The following C2CD3 variants were observed in gnomAD, a reference collection of about 807,000 sequenced individuals.
C2CD3 encodes the protein C2 domain containing 3 centriole elongation regulator.
A neutral mutation model predicts 234.0 loss-of-function variants in C2CD3; 148 were observed. The observed-to-expected ratio is 0.63, with a 90% CI of 0.55 to 0.72. C2CD3 has a LOEUF of 0.72. Ranked by LOEUF, C2CD3 falls within the 30% of genes least tolerant of loss-of-function variation. C2CD3 has a pLI of 0.00. For synonymous variants in C2CD3, 1,000 were observed against 1,035.4 expected, an observed-to-expected ratio of 0.97 and a Z score of 0.66; for missense variants, 2,577 against 2,811.5, an observed-to-expected ratio of 0.92 and a Z score of 1.89.
At chr11:74,145,112 G>C (rs986124204) in intron 3 of C2CD3, among the ~76,000 whole-genome samples, 12 of 152,184 alleles carry the variant, frequency 7.9e-5, no homozygotes, top group African/African-American at 2.7e-4. Flanking sequence ...TCAAATCGTA[G>C]TTCTGTTTTT....
chr11:74,144,170 G>A (rs1342467838), intron 3 of C2CD3, among the ~76,000 whole-genome samples: 4 of 152,196 alleles, frequency 2.6e-5, no homozygotes, highest in Admixed American at 6.5e-5. Context: ...TTTCTTTGTG[G>A]AAGAGAATGT....
At chr11:74,069,769 T>G (rs2135455127) in intron 24 of C2CD3, among the ~76,000 whole-genome samples, 1 of 152,232 alleles carries the variant, frequency 6.6e-6, no homozygotes, top group Middle Eastern at 3.4e-3. Flanking sequence ...TGGCCTGGAG[T>G]GAATGGATGG....
chr11:74,098,643 T>C (rs1319341528), intron 15 of C2CD3, among the ~76,000 whole-genome samples: 1 of 152,228 alleles, frequency 6.6e-6, no homozygotes, highest in Non-Finnish European at 1.5e-5. Flanking sequence ...ATTGCCAATA[T>C]CTGCCATCTA....
intron 22 of C2CD3, among the ~76,000 whole-genome samples, chr11:74,083,632 G>A (rs905464028): frequency 1.3e-5 from 2 of 152,124 alleles, no homozygotes; most frequent in African/African-American, 2.4e-5. Context: ...AGTGGGCAAA[G>A]GATATGAACA....
intron 15 of C2CD3, among the ~76,000 whole-genome samples, chr11:74,099,280 G>A (rs1361465819): frequency 6.6e-6 from 1 of 152,158 alleles, no homozygotes; most frequent in African/African-American, 2.4e-5. Context: ...GCATATCCAT[G>A]TATTTTCTCT....
intron 29 of C2CD3, among the ~76,000 whole-genome samples, chr11:74,039,852 T>A (rs1452058193): frequency 6.6e-6 from 1 of 152,204 alleles, no homozygotes; most frequent in African/African-American, 2.4e-5. Context: ...GTTTCTTTTT[T>A]TAAGTGGGTT....
chr11:74,074,909 C>T (rs1321409736), intron 23 of C2CD3, among the ~76,000 whole-genome samples: 1 of 148,694 alleles, frequency 6.7e-6, no homozygotes, highest in African/African-American at 2.6e-5. Flanking sequence ...CATGGTAAAA[C>T]CCTATCTCTA....
At chr11:74,121,155 C>G (rs1426323893) in intron 8 of C2CD3, among the ~76,000 whole-genome samples, 1 of 152,202 alleles carries the variant, frequency 6.6e-6, no homozygotes, top group Admixed American at 6.5e-5. Context: ...TGATGACACA[C>G]TGTGGTCTAG....
intron 29 of C2CD3, among the ~76,000 whole-genome samples, chr11:74,040,273 A>T (rs1297397613): frequency 6.6e-6 from 1 of 151,854 alleles, no homozygotes; most frequent in Non-Finnish European, 1.5e-5. Flanking sequence ...TCTGGAAACC[A>T]CCCCCCACCC....
At chr11:74,017,626 G>A (rs1951926982) in intron 32 of C2CD3, among the ~76,000 whole-genome samples, 1 of 152,212 alleles carries the variant, frequency 6.6e-6, no homozygotes, top group South Asian at 2.1e-4. Flanking sequence ...TCTTAGCCAA[G>A]CGGTGTTGGG....
chr11:74,136,238 T>A (rs964909075), intron 5 of C2CD3, among the ~76,000 whole-genome samples: 7 of 152,178 alleles, frequency 4.6e-5, no homozygotes, highest in African/African-American at 1.4e-4. Context: ...GTGGTCCCTC[T>A]CCCATTTGTG....
chr11:74,140,076 T>G (rs1958004068), intron 3 of C2CD3, among the ~76,000 whole-genome samples: 1 of 145,284 alleles, frequency 6.9e-6, no homozygotes. Flanking sequence ...ATGTCCCCCA[T>G]TCCCTACAGG....
In C2CD3 at chr11:74,065,977, C is replaced by T. The variant is rs542743825; in HGVS notation, c.4951+8276G>A. ...ATACCCAAAGTAAATGATAAGTTAA[C>T]GGGTGCAGCACACCAACATGGCACA... On this transcript the variant is annotated intron_variant, in intron 24 of 32. Transcript: ENST00000334126. Among the ~76,000 whole-genome samples, 23 of 150,300 alleles carry T rather than the reference C, an allele frequency of 1.5e-4. No homozygotes were observed. In the East Asian group the frequency reaches 3.6e-3, roughly 24 times the overall value.
Position 74,078,387 on chromosome 11 carries a change from T to C in C2CD3, c.4331A>G (p.His1444Arg). The C allele has an allele frequency of 2.5e-6, 4 of 1,614,184 alleles. No homozygotes were observed. Among genetic ancestry groups the C allele is most frequent in the Non-Finnish European group, 2.5e-6 (3 of 1,180,034 alleles). ...CTTGAGAGGGGTCCAAAAGGCTTCA[T>C]GATCATAGAACTTGTAGCGAAGGTA... ...YCYLRYKFYD[H>R]EAFWTPLKKP... Residue 1444 changes from histidine (H) to arginine (R), a missense_variant, in exon 23 of 33, where the codon CAT becomes CGT. Transcript: ENST00000334126.
At chr11:74,152,308 G>T (rs1292651432) in intron 3 of C2CD3, among the ~76,000 whole-genome samples, 1 of 152,154 alleles carries the variant, frequency 6.6e-6, no homozygotes, top group Non-Finnish European at 1.5e-5. Context: ...CAATGAAATG[G>T]ATGAATTATT....
At chr11:74,137,885 C>T (rs2135542596) in intron 5 of C2CD3, among the ~76,000 whole-genome samples, 1 of 152,262 alleles carries the variant, frequency 6.6e-6, no homozygotes, top group South Asian at 2.1e-4. Context: ...CGTGCCCGGC[C>T]CGTGTATTTT....
chr11:74,073,585 TC>T lies in C2CD3; in HGVS notation c.4951+667del, dbSNP rs779614324. Among the ~76,000 whole-genome samples the T allele has an allele frequency of 1.6e-3, 147 of 92,176 alleles. 2 individuals are homozygous for T. The highest frequency in any genetic ancestry group is 5.2e-4 in the Admixed American group (5 of 9,656). 60.5% of individuals were successfully genotyped at this position (92,176 alleles called of 152,430 possible). ...CTGGGCGACAGAGCAAGACTTTGTT[TC>T]AAAAAAAAAAAAAAAAAAATCAAAA... is the stretch of plus-strand genomic sequence containing the variant. On this transcript the variant is annotated intron_variant, in intron 24 of 32. Coordinates refer to ENST00000334126, the MANE Select transcript of C2CD3 (RefSeq NM_001286577.2).
chr11:74,161,613 A>G (rs556036061), intron 2 of C2CD3, 57 bp from the exon 3 acceptor site: 271 of 1,290,984 alleles, frequency 2.1e-4, no homozygotes, highest in Admixed American at 6.8e-4. Context: ...TTTCTTTTTT[A>G]AGACGTGGGT....
chr11:74,046,365 A>G (rs1953373911), intron 28 of C2CD3, among the ~76,000 whole-genome samples: 1 of 152,200 alleles, frequency 6.6e-6, no homozygotes, highest in African/African-American at 2.4e-5. Flanking sequence ...ATTTTAAGAG[A>G]CAGGTTCTCA....
Sources: gnomAD v4.1 joint callset for allele counts (sites outside exome capture counted in the v4.1 genomes callset) on GRCh38, gnomAD v4.1.1 for gene constraint, MANE v1.5 for transcripts, NCBI Gene and HGNC (gene_info 2026-07-23, HGNC 2026-07-21) for gene names.